The following IQGAP1 variants were observed in gnomAD, a reference collection of about 807,000 sequenced individuals.
The protein encoded by IQGAP1 is ras GTPase-activating-like protein IQGAP1.
In IQGAP1, 66 loss-of-function variants were observed where a neutral mutation model predicts 215.6. The ratio of observed to expected loss-of-function variants is 0.31; its 90% CI spans 0.25 to 0.38. IQGAP1 has a LOEUF of 0.38. Ranked by LOEUF, IQGAP1 falls within the 10% of genes least tolerant of loss-of-function variation. The pLI is 1.00. For synonymous variants in IQGAP1, 772 were observed against 728.7 expected, an observed-to-expected ratio of 1.06 and a Z score of -0.96; for missense variants, 1,712 against 1,997.1, an observed-to-expected ratio of 0.86 and a Z score of 2.72.
intron 35 of IQGAP1, chr15:90,494,047 A>G (rs961850801): frequency 1.3e-5 from 2 of 152,160 alleles, no homozygotes; most frequent in African/African-American, 4.8e-5. Context: ...ATATTATTCC[A>G]TTATGCAGAT....
In IQGAP1 at chr15:90,447,854, A is replaced by T. The variant is rs372022699; in HGVS notation, c.914-719A>T. On this transcript the variant is annotated intron_variant, in intron 9 of 37. Coordinates refer to ENST00000268182, the MANE Select transcript of IQGAP1 (RefSeq NM_003870.4). Reference sequence around the variant, plus strand: ...AACATCTGGGTTTTCATTGTCATGTATTGTATTATAGAGCTTGTGTGACCT... The same window carrying T: ...AACATCTGGGTTTTCATTGTCATGTTTTGTATTATAGAGCTTGTGTGACCT... Among the ~76,000 whole-genome samples, 3 of 152,174 alleles carry T rather than the reference A, an allele frequency of 2.0e-5. No homozygotes were observed. In the East Asian group the frequency reaches 5.8e-4, roughly 29 times the overall value.
Position 90,494,773 on chromosome 15 carries a change from T to C in IQGAP1, c.4689T>C (p.Tyr1563=), listed in dbSNP as rs201550275. 13 of 1,608,828 alleles carry C rather than the reference T, an allele frequency of 8.1e-6. No individual in the cohort carries two copies. The Admixed American group carries it at 1.7e-4, about 21-fold the overall frequency. The change falls in exon 36 of 38, where the codon TAT becomes TAC. Residue 1563 remains tyrosine (Y), a synonymous_variant. Transcript: ENST00000268182. Reference sequence around the variant, plus strand: ...AAAGCAAAAAGATTTCTCTGAAATATACAGCAGCAAGACTACATGAAAAAG... The same window carrying C: ...AAAGCAAAAAGATTTCTCTGAAATACACAGCAGCAAGACTACATGAAAAAG... The part of the protein sequence containing the change: ...GKKSKKISLK[Y]TAARLHEKGV...
chr15:90,479,745 G>A (rs1442435105), intron 26 of IQGAP1, among the ~76,000 whole-genome samples: 3 of 151,820 alleles, frequency 2.0e-5, no homozygotes, highest in Non-Finnish European at 2.9e-5. Context: ...GAAAGAAGGG[G>A]CGTTTCCTTA....
At chr15:90,447,675 AATT>A (rs1251499433) in intron 9 of IQGAP1, among the ~76,000 whole-genome samples, 4 of 152,162 alleles carry the variant, frequency 2.6e-5, no homozygotes, top group African/African-American at 9.7e-5. Context: ...TGAAATCAGA[AATT>A]ATCTTATTCT....
intron 9 of IQGAP1, among the ~76,000 whole-genome samples, chr15:90,446,745 G>A (rs1281933579): frequency 6.6e-6 from 1 of 152,104 alleles, no homozygotes. Context: ...TGCTGCCCCA[G>A]GAGAAAGCTG....
intron 35 of IQGAP1, among the ~76,000 whole-genome samples, chr15:90,493,605 T>C (rs542210555): frequency 6.6e-6 from 1 of 152,382 alleles, no homozygotes; most frequent in East Asian, 1.9e-4. Flanking sequence ...AGCACCCATG[T>C]GCCCTTCACC....
intron 9 of IQGAP1, among the ~76,000 whole-genome samples, chr15:90,444,971 A>T (rs1965506231): frequency 6.6e-6 from 1 of 152,002 alleles, no homozygotes; most frequent in South Asian, 2.1e-4. Context: ...AAAAATACAA[A>T]AACTAGCTGG....
chr15:90,394,028 G>A (rs1362327368), intron 2 of IQGAP1, among the ~76,000 whole-genome samples: 1 of 151,550 alleles, frequency 6.6e-6, no homozygotes, highest in Non-Finnish European at 1.5e-5. Flanking sequence ...CCAGCTACTC[G>A]GGAGGCTGAG....
chr15:90,428,072 T>G (rs1354699358), intron 3 of IQGAP1, among the ~76,000 whole-genome samples: 1 of 151,914 alleles, frequency 6.6e-6, no homozygotes, highest in Non-Finnish European at 1.5e-5. Flanking sequence ...TGTTGGTTGG[T>G]TGGTTGGTTT....
intron 31 of IQGAP1, 86 bp from the exon 32 acceptor site, chr15:90,486,868 C>G (rs1966133819): frequency 7.4e-7 from 1 of 1,344,254 alleles, no homozygotes; most frequent in South Asian, 1.3e-5. Context: ...TTATCTTAGA[C>G]TTGCATCATC....
chr15:90,432,918 A>G (rs1433202875), intron 4 of IQGAP1, among the ~76,000 whole-genome samples: 2 of 152,174 alleles, frequency 1.3e-5, no homozygotes, highest in African/African-American at 4.8e-5. Context: ...GGCTATTCCC[A>G]GTCTAAATCT....
intron 2 of IQGAP1, among the ~76,000 whole-genome samples, chr15:90,419,232 A>G (rs1965098317): frequency 1.3e-5 from 2 of 152,152 alleles, no homozygotes; most frequent in African/African-American, 4.8e-5. Context: ...CTTGGAATAT[A>G]CTTTTTGGAA....
At chr15:90,397,678 G>C (rs142233586) in intron 2 of IQGAP1, 2,705 of 149,632 alleles carry the variant, frequency 0.018, 34 homozygotes, top group Admixed American at 0.03. Context: ...CACCACACCT[G>C]GCTAATTTTT....
chr15:90,443,411 A>C lies in IQGAP1; in HGVS notation c.846A>C (p.Arg282Ser). Residue 282 changes from arginine (R) to serine (S), a missense_variant, in exon 9 of 38, where the codon AGA (arginine) becomes AGC (serine). By Grantham distance (110) the Arg-to-Ser change is moderately radical. This residue lies in a region of IQGAP1 where 1,021 missense variants were observed against 1,074.2 expected (regional missense o/e 0.95). Transcript: ENST00000268182. ...ATCCTCAGACAGAAAACTCAGAGAG[A>C]GAAAGAGATGTTTATGAGGAGCTGC... Reference protein sequence around the residue: ...NAKNRTENSERERDVYEELLT... With the variant: ...NAKNRTENSESERDVYEELLT... 6.2e-7 allele frequency: 1 copy of C among 1,612,924 alleles called. No homozygotes were observed. The highest frequency in any genetic ancestry group is 8.5e-7 in the Non-Finnish European group (1 of 1,178,970).
chr15:90,409,549 A>AT (rs531849130), intron 2 of IQGAP1, among the ~76,000 whole-genome samples: 324 of 151,912 alleles, frequency 2.1e-3, no homozygotes, highest in African/African-American at 7.4e-3. Context: ...TAATTTTTAC[A>AT]TTTTTTTGTA....
At chr15:90,479,013 T>C (rs551063248) in intron 26 of IQGAP1, among the ~76,000 whole-genome samples, 18 of 152,308 alleles carry the variant, frequency 1.2e-4, no homozygotes, top group African/African-American at 2.4e-4. Flanking sequence ...TGGTTTTATT[T>C]GTCTTGGGTG....
At chr15:90,390,218 T>G (rs1211619203) in intron 1 of IQGAP1, among the ~76,000 whole-genome samples, 1 of 152,222 alleles carries the variant, frequency 6.6e-6, no homozygotes, top group East Asian at 1.9e-4. Flanking sequence ...GCTTCAAGGT[T>G]AAGCTCAGGC....
chr15:90,449,693 T>C (rs555854761), intron 11 of IQGAP1, 50 bp downstream of exon 11: 2 of 1,459,316 alleles, frequency 1.4e-6, no homozygotes, highest in Admixed American at 1.9e-5. Flanking sequence ...CTTTGTGTTA[T>C]TGAAGGGTCT....
chr15:90,402,394 GGA>G (rs1860148078), intron 2 of IQGAP1, among the ~76,000 whole-genome samples: 1 of 152,186 alleles, frequency 6.6e-6, no homozygotes, highest in Admixed American at 6.5e-5. Flanking sequence ...TGTGGGAGGA[GGA>G]GAGGCCTGTC....
Sources: allele counts gnomAD v4.1 joint callset (sites outside exome capture counted in the v4.1 genomes callset), GRCh38; gene constraint gnomAD v4.1.1; regional missense constraint gnomAD v4.1.1; transcripts MANE v1.5; gene names NCBI Gene and HGNC (gene_info 2026-07-23, HGNC 2026-07-21).